TAMM41: variants seen among roughly 807,000 people sequenced by gnomAD.
TAMM41 encodes the protein phosphatidate cytidylyltransferase, mitochondrial.
Under a neutral mutation model 44.1 loss-of-function variants are expected in TAMM41, and 36 were observed. The observed-to-expected ratio is 0.82, with a 90% CI of 0.63 to 1.08. The LOEUF (loss-of-function observed/expected upper bound fraction) is 1.08. Among genes scored for constraint, TAMM41 ranks in the 50% least tolerant of loss-of-function variants. TAMM41 has a pLI of 0.00. For missense variants in TAMM41, 417 were observed against 404.3 expected, an observed-to-expected ratio of 1.03 and a Z score of -0.27; for synonymous variants, 164 against 153.1, an observed-to-expected ratio of 1.07 and a Z score of -0.53.
chr3:11,786,316 A>ATTATTATTATTATTT (rs1553564672), downstream of TAMM41, among the ~76,000 whole-genome samples: 2 of 134,698 alleles, frequency 1.5e-5, no homozygotes, highest in Non-Finnish European at 3.2e-5. Flanking sequence ...TATTATTATT[A>ATTATTATTATTATTT]TTTTTTGAGA....
chr3:11,796,711 G>A (rs1233665150), intron 7 of TAMM41, among the ~76,000 whole-genome samples: 3 of 152,094 alleles, frequency 2.0e-5, no homozygotes, highest in African/African-American at 7.2e-5. Flanking sequence ...AAAAAAGTAA[G>A]GCAGAACAAC....
chr3:11,753,565 A>AT, the TAMM41 span, among the ~76,000 whole-genome samples: 1 of 138,020 alleles, frequency 7.2e-6, no homozygotes, highest in Non-Finnish European at 1.6e-5. Context: ...TCTACTAAAA[A>AT]TAAAAAAAAA....
the TAMM41 span, among the ~76,000 whole-genome samples, chr3:11,743,338 T>C: frequency 6.7e-6 from 1 of 148,332 alleles, no homozygotes. Context: ...ATAATCTCTT[T>C]TTTTTTTTTT....
chr3:11,746,556 A>G, the TAMM41 span, among the ~76,000 whole-genome samples: 1 of 152,116 alleles, frequency 6.6e-6, no homozygotes, highest in African/African-American at 2.4e-5. Flanking sequence ...ACTGATATAC[A>G]CAACATGGGT....
At chr3:11,814,015 CACACAT>C (rs2078191157) in intron 5 of TAMM41, among the ~76,000 whole-genome samples, 1 of 150,448 alleles carries the variant, frequency 6.6e-6, no homozygotes, top group Admixed American at 6.6e-5. Flanking sequence ...CACACACACA[CACACAT>C]AAAAAAATCA....
chr3:11,802,444 A>C (rs147652922), intron 7 of TAMM41, among the ~76,000 whole-genome samples: 288 of 152,336 alleles, frequency 1.9e-3, no homozygotes, highest in Non-Finnish European at 3.5e-3. Flanking sequence ...ACAAACTAGA[A>C]AACCCAGAGG....
chr3:11,797,233 C>T (rs536518889), intron 7 of TAMM41, among the ~76,000 whole-genome samples: 23 of 152,078 alleles, frequency 1.5e-4, no homozygotes, highest in African/African-American at 4.1e-4. Context: ...TCATGCTACC[C>T]GACTTCAAAC....
intron 3 of TAMM41, among the ~76,000 whole-genome samples, chr3:11,837,783 G>A (rs2079246064): frequency 6.6e-6 from 1 of 152,168 alleles, no homozygotes; most frequent in Non-Finnish European, 1.5e-5. Flanking sequence ...TGGTGCTAAG[G>A]GAGGCTCCAC....
At chr3:11,825,503 G>A (rs768398766) in intron 4 of TAMM41, among the ~76,000 whole-genome samples, 5 of 152,178 alleles carry the variant, frequency 3.3e-5, no homozygotes, top group East Asian at 1.9e-4. Flanking sequence ...CAGAGAAAAC[G>A]TTTCTTTACT....
intron 7 of TAMM41, among the ~76,000 whole-genome samples, chr3:11,801,328 A>AT (rs986399194): frequency 1.4e-5 from 2 of 147,268 alleles, no homozygotes; most frequent in Non-Finnish European, 2.9e-5. Context: ...GTTAATGAAG[A>AT]TTTTTTTCCC....
At chr3:11,781,736 AAATAAT>A in the TAMM41 span, among the ~76,000 whole-genome samples, 1,917 of 123,038 alleles carry the variant, frequency 0.016, 35 homozygotes, top group African/African-American at 0.046. Flanking sequence ...CTCCATCTCA[AAATAAT>A]AATAATAATA....
chr3:11,729,784 T>TACTG, the TAMM41 span, among the ~76,000 whole-genome samples: 3 of 151,728 alleles, frequency 2.0e-5, no homozygotes, highest in Non-Finnish European at 2.9e-5. Flanking sequence ...GGTCTCGAAC[T>TACTG]ACTGACTGCA....
At chr3:11,807,949 C>A (rs1473276981) in intron 6 of TAMM41, 54 bp from the exon 7 acceptor site, 6 of 1,472,822 alleles carry the variant, frequency 4.1e-6, no homozygotes, top group Non-Finnish European at 3.6e-6. Context: ...AGATGTTAGT[C>A]ATCTTAACAG....
chr3:11,789,798 T>C (rs546671666), downstream of TAMM41, among the ~76,000 whole-genome samples: 6 of 152,338 alleles, frequency 3.9e-5, no homozygotes, highest in South Asian at 2.1e-4. Context: ...TTGAAGCTGC[T>C]GCCAGCAGTC....
At chr3:11,731,694 G>A in the TAMM41 span, among the ~76,000 whole-genome samples, 1 of 152,108 alleles carries the variant, frequency 6.6e-6, no homozygotes, top group African/African-American at 2.4e-5. Context: ...GCTTTCCAAA[G>A]ACTAGCAAGC....
the TAMM41 span, among the ~76,000 whole-genome samples, chr3:11,772,332 T>C: frequency 5.3e-5 from 8 of 150,902 alleles, no homozygotes; most frequent in East Asian, 2.0e-4. Context: ...CCGCCCTCCT[T>C]GGCCTCCCAA....
chr3:11,799,971 C>A (rs535513886), intron 7 of TAMM41, among the ~76,000 whole-genome samples: 17 of 152,166 alleles, frequency 1.1e-4, no homozygotes, highest in African/African-American at 4.1e-4. Context: ...ACCCTGTCAC[C>A]CAAGAATTTT....
the TAMM41 span, among the ~76,000 whole-genome samples, chr3:11,779,628 T>G: frequency 7.5e-6 from 1 of 133,898 alleles, no homozygotes; most frequent in African/African-American, 3.0e-5. Flanking sequence ...GTGTTTGTTG[T>G]TGGTGTGCCC....
intron 3 of TAMM41, among the ~76,000 whole-genome samples, chr3:11,835,366 T>C (rs1238863946): frequency 6.6e-6 from 1 of 152,172 alleles, no homozygotes; most frequent in Non-Finnish European, 1.5e-5. Context: ...AAAAAAAATA[T>C]GTTCATCACT....
Sources: gnomAD v4.1 joint callset for allele counts (sites outside exome capture counted in the v4.1 genomes callset) on GRCh38, gnomAD v4.1.1 for gene constraint, MANE v1.5 for transcripts, NCBI Gene and HGNC (gene_info 2026-07-23, HGNC 2026-07-21) for gene names.